GXYLT1: variants seen among roughly 807,000 people sequenced by gnomAD.
GXYLT1 encodes glycosyltransferase 8 domain containing 3.
A neutral mutation model predicts 54.0 loss-of-function variants in GXYLT1; 29 were observed. The observed-to-expected ratio is 0.54, with a 90% CI of 0.40 to 0.73. The LOEUF (loss-of-function observed/expected upper bound fraction) is 0.73, where lower values mean the gene tolerates loss of function less well. Among genes scored for constraint, GXYLT1 ranks in the 30% least tolerant of loss-of-function variants. The pLI is 0.00. For missense variants in GXYLT1, 490 were observed against 553.4 expected (o/e 0.89, Z 1.15); for synonymous variants, 176 against 204.1 (o/e 0.86, Z 1.17).
intron 7 of GXYLT1, among the ~76,000 whole-genome samples, chr12:42,094,169 C>T (rs2065343070): frequency 6.6e-6 from 1 of 151,832 alleles, no homozygotes; most frequent in African/African-American, 2.4e-5. Flanking sequence ...GCCTGAGCAA[C>T]ATGGCAAAAC....
intron 1 of GXYLT1, among the ~76,000 whole-genome samples, chr12:42,130,910 G>A (rs1305365592): frequency 1.3e-5 from 2 of 152,030 alleles, no homozygotes; most frequent in East Asian, 3.8e-4. Flanking sequence ...CTGTGCTACT[G>A]CACCCCAGCC....
At chr12:42,102,027 T>C (rs370208548) in intron 5 of GXYLT1, among the ~76,000 whole-genome samples, 2 of 152,220 alleles carry the variant, frequency 1.3e-5, no homozygotes, top group East Asian at 1.9e-4. Flanking sequence ...AAGCACAATT[T>C]AGTTTCATAA....
At chr12:42,122,224 C>T (rs982101490) in intron 2 of GXYLT1, among the ~76,000 whole-genome samples, 3 of 152,108 alleles carry the variant, frequency 2.0e-5, no homozygotes, top group Admixed American at 6.5e-5. Context: ...TCTGAGGGTT[C>T]CCATGGTTAA....
At chr12:42,131,746 C>T (rs904625141) in intron 1 of GXYLT1, among the ~76,000 whole-genome samples, 2 of 152,128 alleles carry the variant, frequency 1.3e-5, no homozygotes, top group Non-Finnish European at 2.9e-5. Flanking sequence ...TTTCTTAAGT[C>T]TTTGATTTCA....
At chr12:42,113,073 G>T (rs1168072523) in intron 3 of GXYLT1, among the ~76,000 whole-genome samples, 1 of 151,080 alleles carries the variant, frequency 6.6e-6, no homozygotes, top group Non-Finnish European at 1.5e-5. Context: ...TTACAGACAA[G>T]CAAATGCTGA....
In GXYLT1 at chr12:42,105,838, T is replaced by A. The variant is rs1565569757; in HGVS notation, c.844A>T (p.Met282Leu). The stretch of plus-strand genomic sequence containing the variant: ...CTTACCTTGAAATACTTCCTTCTCA[T>A]TCGAGTCATGTTCATCAACATAACT... The part of the protein sequence containing the change: ...SGVMLMNMTR[M>L]RRKYFKNDMT... Residue 282 changes from methionine to leucine, a missense_variant, in exon 5 of 8, where the codon ATG (methionine) becomes TTG (leucine). Met to Leu is a conservative substitution (Grantham distance 15). Around this residue, in one of 2 missense-constraint regions of GXYLT1, gnomAD observed 342 missense variants for 342.6 expected, o/e 1.00. Coordinates refer to ENST00000398675, the MANE Select transcript of GXYLT1 (RefSeq NM_173601.2). 1.2e-6 allele frequency: 2 copies of A among 1,612,334 alleles called. No individual in the cohort carries two copies. The highest frequency in any genetic ancestry group is 1.7e-5 in the Admixed American group (1 of 59,872).
intron 2 of GXYLT1, among the ~76,000 whole-genome samples, chr12:42,124,264 AT>A (rs2065547898): frequency 6.6e-6 from 1 of 152,138 alleles, no homozygotes; most frequent in African/African-American, 2.4e-5. Context: ...AAGATTCAAT[AT>A]TTTAAAGAAC....
chr12:42,106,051 C>T lies in GXYLT1; in HGVS notation c.631G>A (p.Asp211Asn), dbSNP rs1416780769. ...LFLPLILKEV[D>N]SLLYVDTDIL... ...TCAGTGTCGACATACAATAGTGAGT[C>T]AACTTCTTTCAGGATTAACTACAAG... The change falls in exon 5 of 8, where the codon GAC (aspartate) becomes AAC (asparagine). Residue 211 changes from aspartate to asparagine, a missense_variant. Around this residue, in one of 2 missense-constraint regions of GXYLT1, gnomAD observed 342 missense variants for 342.6 expected, o/e 1.00. Transcript: ENST00000398675. The T allele has an allele frequency of 6.2e-7, 1 of 1,604,910 alleles. No homozygotes were observed. Among genetic ancestry groups the T allele is most frequent in the South Asian group, 1.1e-5 (1 of 90,522 alleles).
At chr12:42,138,931 G>A (rs893047203) in intron 1 of GXYLT1, among the ~76,000 whole-genome samples, 25 of 152,082 alleles carry the variant, frequency 1.6e-4, no homozygotes, top group African/African-American at 5.8e-4. Context: ...CCAGCTACTT[G>A]TGAGGCTGAG....
intron 1 of GXYLT1, among the ~76,000 whole-genome samples, chr12:42,134,091 T>G (rs1565581147): frequency 6.8e-6 from 1 of 146,600 alleles, no homozygotes; most frequent in Non-Finnish European, 1.5e-5. Context: ...TCCCAGTTAC[T>G]CGGGAGGCTG....
In GXYLT1 at chr12:42,083,173, A is replaced by G. The variant is rs954468017; in HGVS notation, c.*4613T>C. Reference sequence around the variant, plus strand: ...TTTAATTGCTGGATATTTGAATAACACATTAATTTTTTAAAAAAAAATTTT... The same window carrying G: ...TTTAATTGCTGGATATTTGAATAACGCATTAATTTTTTAAAAAAAAATTTT... On this transcript the variant is annotated 3_prime_UTR_variant, in exon 8 of 8. Coordinates refer to ENST00000398675, the MANE Select transcript of GXYLT1 (RefSeq NM_173601.2). 1 of 150,576 alleles carries G rather than the reference A, an allele frequency of 6.6e-6. No homozygotes were observed. The highest frequency in any genetic ancestry group is 2.5e-5 in the African/African-American group (1 of 40,048). 9.3% of individuals were successfully genotyped at this position (150,576 alleles called of 1,614,324 possible).
At chr12:42,140,117 C>G (rs1345737245) in intron 1 of GXYLT1, among the ~76,000 whole-genome samples, 2 of 131,106 alleles carry the variant, frequency 1.5e-5, no homozygotes, top group Non-Finnish European at 3.1e-5. Flanking sequence ...GGAGGCGGAG[C>G]TTGCAGTGAG....
intron 1 of GXYLT1, among the ~76,000 whole-genome samples, chr12:42,135,573 C>A (rs1190942075): frequency 1.4e-5 from 2 of 147,946 alleles, no homozygotes; most frequent in African/African-American, 2.5e-5. Flanking sequence ...CAAATGTCCA[C>A]CAAATAATGA....
At chr12:42,109,815 T>C in intron 3 of GXYLT1, 124 bp from the exon 4 acceptor site, 1 of 582,000 alleles carries the variant, frequency 1.7e-6, no homozygotes, top group Non-Finnish European at 2.8e-6. Flanking sequence ...TGCTGTAAAA[T>C]TAAAGGAAAG....
At chr12:42,129,137 G>A (rs1243186035) in intron 2 of GXYLT1, among the ~76,000 whole-genome samples, 1 of 152,140 alleles carries the variant, frequency 6.6e-6, no homozygotes, top group Non-Finnish European at 1.5e-5. Flanking sequence ...ATCAATACCT[G>A]TTTCTTTCAT....
At chr12:42,126,222 C>T (rs2065561427) in intron 2 of GXYLT1, among the ~76,000 whole-genome samples, 4 of 152,042 alleles carry the variant, frequency 2.6e-5, no homozygotes, top group Admixed American at 2.6e-4. Context: ...TAAAGTTGCG[C>T]GCCACCATGC....
At chr12:42,134,184 G>A (rs1188822221) in intron 1 of GXYLT1, among the ~76,000 whole-genome samples, 1 of 151,934 alleles carries the variant, frequency 6.6e-6, no homozygotes, top group Non-Finnish European at 1.5e-5. Context: ...CTGGGCAACA[G>A]AGTGAGACCC....
At chr12:42,096,336 G>T (rs77990007) in intron 7 of GXYLT1, among the ~76,000 whole-genome samples, 2,817 of 152,130 alleles carry the variant, frequency 0.019, 35 homozygotes, top group Non-Finnish European at 0.029. Context: ...AATAAACCTG[G>T]AATATTTTGT....
At chr12:42,137,351 A>G (rs1276921771) in intron 1 of GXYLT1, among the ~76,000 whole-genome samples, 1 of 152,024 alleles carries the variant, frequency 6.6e-6, no homozygotes, top group African/African-American at 2.4e-5. Context: ...TACTAAAAAC[A>G]CAAAAAATTA....
Sources: gnomAD v4.1 joint callset for allele counts (sites outside exome capture counted in the v4.1 genomes callset) on GRCh38, gnomAD v4.1.1 for gene constraint, gnomAD v4.1.1 regional missense constraint, MANE v1.5 for transcripts, NCBI Gene and HGNC (gene_info 2026-07-23, HGNC 2026-07-21) for gene names.